The following AUTS2 variants were observed in gnomAD, a reference collection of about 807,000 sequenced individuals.
AUTS2 encodes activator of transcription and developmental regulator AUTS2.
AUTS2 carries 17 observed loss-of-function variants against 112.4 expected under a neutral mutation model. That is an observed-to-expected ratio of 0.15 (90% CI 0.10 to 0.23). The LOEUF is 0.23. AUTS2 is among the 10% of genes least tolerant of loss of function. AUTS2 has a pLI of 1.00. For synonymous variants in AUTS2, 751 were observed against 702.7 expected (o/e 1.07, Z -1.09); for missense variants, 1,510 against 1,701.6 (o/e 0.89, Z 1.98).
At chr7:69,984,630 C>G (rs140502093) in intron 2 of AUTS2, among the ~76,000 whole-genome samples, 1 of 152,106 alleles carries the variant, frequency 6.6e-6, no homozygotes, top group Non-Finnish European at 1.5e-5. Context: ...CAGACACTTT[C>G]CCCCACGCTG....
chr7:70,091,023 A>C (rs904288915), intron 2 of AUTS2, among the ~76,000 whole-genome samples: 1 of 152,090 alleles, frequency 6.6e-6, no homozygotes, highest in Non-Finnish European at 1.5e-5. Context: ...TAATTCTTTC[A>C]GCTTTTGTAT....
chr7:70,378,604 G>A (rs1793224402), intron 4 of AUTS2, among the ~76,000 whole-genome samples: 1 of 152,184 alleles, frequency 6.6e-6, no homozygotes, highest in Non-Finnish European at 1.5e-5. Context: ...AGTTCACACA[G>A]CTAGTATGTG....
intron 4 of AUTS2, among the ~76,000 whole-genome samples, chr7:70,378,948 A>G (rs1793241997): frequency 1.3e-5 from 2 of 152,204 alleles, no homozygotes. Context: ...ACTGGAGCCT[A>G]TCCTTGTGAT....
At chr7:69,648,735 G>A (rs1584004896) in intron 1 of AUTS2, among the ~76,000 whole-genome samples, 1 of 152,144 alleles carries the variant, frequency 6.6e-6, no homozygotes, top group Non-Finnish European at 1.5e-5. Flanking sequence ...GGATGTGTAT[G>A]TGTGAAGGGA....
At chr7:69,882,474 G>C (rs889688309) in intron 1 of AUTS2, among the ~76,000 whole-genome samples, 3 of 152,166 alleles carry the variant, frequency 2.0e-5, no homozygotes, top group African/African-American at 7.2e-5. Context: ...CACATTCTAG[G>C]CTTCTGCTTT....
intron 1 of AUTS2, among the ~76,000 whole-genome samples, chr7:69,794,960 T>C (rs1326668059): frequency 1.3e-5 from 2 of 152,152 alleles, no homozygotes; most frequent in Non-Finnish European, 2.9e-5. Context: ...TAGTACCATA[T>C]AGTAGTTAAG....
At chr7:69,770,639 C>T (rs1325243727) in intron 1 of AUTS2, among the ~76,000 whole-genome samples, 1 of 152,076 alleles carries the variant, frequency 6.6e-6, no homozygotes, top group Non-Finnish European at 1.5e-5. Flanking sequence ...CTTTGCAGAG[C>T]GCTTCATATA....
At chr7:70,393,963 A>G (rs1585094453) in intron 4 of AUTS2, among the ~76,000 whole-genome samples, 1 of 152,200 alleles carries the variant, frequency 6.6e-6, no homozygotes, top group East Asian at 1.9e-4. Context: ...AGAAAAAGCA[A>G]GGGTTGGGAA....
intron 1 of AUTS2, among the ~76,000 whole-genome samples, chr7:69,802,830 A>G (rs1790143579): frequency 6.6e-6 from 1 of 152,208 alleles, no homozygotes. Context: ...GTATATTAGT[A>G]AGGGATGAAT....
intron 13 of AUTS2, among the ~76,000 whole-genome samples, chr7:70,775,814 A>T (rs922042377): frequency 6.6e-6 from 1 of 152,098 alleles, no homozygotes; most frequent in Admixed American, 6.6e-5. Context: ...ACCTCCTTTT[A>T]AGGTGCAGGA....
chr7:70,029,655 T>C (rs915740928), intron 2 of AUTS2, among the ~76,000 whole-genome samples: 2 of 152,180 alleles, frequency 1.3e-5, no homozygotes, highest in African/African-American at 2.4e-5. Flanking sequence ...GTCATATAGA[T>C]GTACTGCTAC....
chr7:70,414,644 A>C (rs1379463633), intron 4 of AUTS2, among the ~76,000 whole-genome samples: 1 of 152,162 alleles, frequency 6.6e-6, no homozygotes, highest in Admixed American at 6.5e-5. Flanking sequence ...CTCACTGCCT[A>C]GAAAGAGAGA....
chr7:70,776,720 T>G (rs1258046489), intron 13 of AUTS2: 1 of 320,410 alleles, frequency 3.1e-6, no homozygotes, highest in Non-Finnish European at 6.0e-6. Context: ...TCTGAACAGC[T>G]GATTTGCATT....
chr7:70,747,790 G>A (rs975481404), intron 6 of AUTS2, among the ~76,000 whole-genome samples: 7 of 147,884 alleles, frequency 4.7e-5, no homozygotes, highest in Admixed American at 6.8e-5. Flanking sequence ...CCAGCCCAGC[G>A]AGCTCATTTC....
chr7:70,627,584 A>G (rs943836234), intron 5 of AUTS2, among the ~76,000 whole-genome samples: 4 of 152,210 alleles, frequency 2.6e-5, no homozygotes, highest in African/African-American at 4.8e-5. Flanking sequence ...CCAACACTCA[A>G]TCACAATTTG....
intron 1 of AUTS2, among the ~76,000 whole-genome samples, chr7:69,800,241 C>T (rs1449229147): frequency 6.6e-6 from 1 of 152,148 alleles, no homozygotes; most frequent in Non-Finnish European, 1.5e-5. Context: ...AGGAAAGCCC[C>T]TACTCAAATC....
intron 1 of AUTS2, among the ~76,000 whole-genome samples, chr7:69,765,814 G>A (rs898990722): frequency 6.6e-6 from 1 of 152,064 alleles, no homozygotes; most frequent in African/African-American, 2.4e-5. Flanking sequence ...GGGCATGGTG[G>A]CACGTGCCTG....
intron 1 of AUTS2, among the ~76,000 whole-genome samples, chr7:69,866,527 A>G (rs946320943): frequency 2.0e-5 from 3 of 152,154 alleles, no homozygotes; most frequent in Admixed American, 1.3e-4. Flanking sequence ...TCTCTGCTGG[A>G]TGATCATCAT....
At chr7:70,143,799 G>A (rs994342031) in intron 4 of AUTS2, among the ~76,000 whole-genome samples, 2 of 152,106 alleles carry the variant, frequency 1.3e-5, no homozygotes, top group Non-Finnish European at 2.9e-5. Context: ...GGAATGGAGT[G>A]GTGAAGCCAG....
Sources: allele counts gnomAD v4.1 joint callset (sites outside exome capture counted in the v4.1 genomes callset), GRCh38; gene constraint gnomAD v4.1.1; transcripts MANE v1.5; gene names NCBI Gene and HGNC (gene_info 2026-07-23, HGNC 2026-07-21).